USP12: variants seen among roughly 807,000 people sequenced by gnomAD.
The protein encoded by USP12 is ubiquitin carboxyl-terminal hydrolase 12.
USP12 carries 19 observed loss-of-function variants against 45.5 expected under a neutral mutation model. That is an observed-to-expected ratio of 0.42 (90% CI 0.29 to 0.61). The LOEUF is 0.61. USP12 is among the 20% of genes least tolerant of loss of function. USP12 has a pLI of 0.22. For synonymous variants in USP12, 149 were observed against 148.8 expected (o/e 1.00, Z -0.01); for missense variants, 242 against 447.7 (o/e 0.54, Z 4.15).
chr13:27,151,319 A>G (rs1297723853), intron 1 of USP12, among the ~76,000 whole-genome samples: 1 of 152,234 alleles, frequency 6.6e-6, no homozygotes, highest in Non-Finnish European at 1.5e-5. Context: ...TCCCAAAAAA[A>G]AGGAAAAGAG....
intron 2 of USP12, among the ~76,000 whole-genome samples, chr13:27,112,469 A>G (rs950285937): frequency 6.7e-6 from 1 of 149,884 alleles, no homozygotes; most frequent in East Asian, 2.0e-4. Context: ...TTTTTTTTTT[A>G]AGAGACAGGG....
At chr13:27,123,144 T>C (rs1300233238) in intron 1 of USP12, among the ~76,000 whole-genome samples, 1 of 152,122 alleles carries the variant, frequency 6.6e-6, no homozygotes, top group African/African-American at 2.4e-5. Context: ...AATGGATTCA[T>C]TACAGAACTG....
rs184728445 is a variant in USP12, at chr13:27,119,951, A to G, written c.49-3355T>C. Among the ~76,000 whole-genome samples the G allele has an allele frequency of 4.5e-4, 69 of 152,382 alleles. No homozygotes were observed. In the East Asian group the frequency reaches 0.013, roughly 28 times the overall value. ...GCATTCAAGGTTTTCCTTAACAGAA[A>G]TGATCAGGGTACACTCCTCTCTCTA... On this transcript the variant is annotated intron_variant, in intron 1 of 8. Coordinates refer to ENST00000282344, the MANE Select transcript of USP12 (RefSeq NM_182488.4).
intron 1 of USP12, among the ~76,000 whole-genome samples, chr13:27,121,643 C>T (rs983377125): frequency 1.3e-5 from 2 of 151,696 alleles, no homozygotes; most frequent in Admixed American, 6.6e-5. Flanking sequence ...AGGTGGATCA[C>T]GAGGTCAGGA....
chr13:27,169,859 T>TTA (rs145940698), intron 1 of USP12, among the ~76,000 whole-genome samples: 5,954 of 152,276 alleles, frequency 0.039, 155 homozygotes, highest in Admixed American at 0.075. Context: ...CCTCTAGCAC[T>TTA]TAGTGGCTGC....
chr13:27,168,497 G>A (rs1411183873), intron 1 of USP12, among the ~76,000 whole-genome samples: 1 of 152,090 alleles, frequency 6.6e-6, no homozygotes, highest in African/African-American at 2.4e-5. Context: ...CACTTTTCCC[G>A]TTATTTCACA....
chr13:27,124,440 T>C (rs904533728), intron 1 of USP12, among the ~76,000 whole-genome samples: 3 of 152,236 alleles, frequency 2.0e-5, no homozygotes, highest in African/African-American at 4.8e-5. Context: ...TGTGCATCTA[T>C]CATTTGGAAA....
Position 27,067,382 on chromosome 13 carries a change from GTTGA to G in USP12, c.*1897_*1900del, listed in dbSNP as rs1477218466. Reference sequence around the variant, plus strand: ...CCACTGCCCTGACTTTCCCCACACTGTTGATTGTGATTCTCTGTGGCATGTTGGT... The same window carrying G: ...CCACTGCCCTGACTTTCCCCACACTGTTGTGATTCTCTGTGGCATGTTGGT... On this transcript the variant is annotated 3_prime_UTR_variant, in exon 9 of 9. Transcript: ENST00000282344. The G allele has an allele frequency of 1.3e-5, 2 of 152,030 alleles. No homozygotes were observed. The highest frequency in any genetic ancestry group is 2.9e-5 in the Non-Finnish European group (2 of 68,012). The allele number at this position is 152,030 out of a possible 1,614,324, so 9.4% of individuals were successfully genotyped here. A position where few individuals can be genotyped will look rare whatever the true frequency, so the allele number is the denominator to read the frequency against.
intron 6 of USP12, among the ~76,000 whole-genome samples, chr13:27,083,857 A>AATAT (rs112548761): frequency 1.8e-4 from 27 of 147,266 alleles, no homozygotes; most frequent in African/African-American, 5.5e-4. Flanking sequence ...TTTTTGGGAG[A>AATAT]ATATATATAT....
At chr13:27,110,048 C>T (rs1875356627) in intron 2 of USP12, among the ~76,000 whole-genome samples, 1 of 148,642 alleles carries the variant, frequency 6.7e-6, no homozygotes, top group Non-Finnish European at 1.5e-5. Context: ...TAAAACGTTC[C>T]TGCCACTTTG....
At chr13:27,096,214 C>T (rs1874574755) in intron 3 of USP12, among the ~76,000 whole-genome samples, 1 of 152,220 alleles carries the variant, frequency 6.6e-6, no homozygotes, top group Admixed American at 6.5e-5. Context: ...GCCAAGCCAA[C>T]TGCTTTAGAC....
chr13:27,114,769 TA>T (rs11366017), intron 2 of USP12, among the ~76,000 whole-genome samples: 41,273 of 142,652 alleles, frequency 0.29, 5,932 homozygotes, highest in Non-Finnish European at 0.36. Context: ...TCTCCATTTT[TA>T]AAAAAAAAAA....
In USP12 at chr13:27,068,560, T is replaced by A. The variant is rs973306051; in HGVS notation, c.*723A>T. 6.6e-6 allele frequency: 1 copy of A among 152,192 alleles called. No homozygotes were observed. Among genetic ancestry groups the A allele is most frequent in the Non-Finnish European group, 1.5e-5 (1 of 68,034 alleles). 9.4% of individuals were successfully genotyped at this position (152,192 alleles called of 1,614,324 possible). ...AATATGTTCAAATTTACTGACAGAA[T>A]CATGGGCACTTCATATAATACTTAG... On this transcript the variant is annotated 3_prime_UTR_variant, in exon 9 of 9. Coordinates refer to ENST00000282344, the MANE Select transcript of USP12 (RefSeq NM_182488.4).
chr13:27,080,657 T>C (rs772488441), intron 6 of USP12, among the ~76,000 whole-genome samples: 13 of 151,904 alleles, frequency 8.6e-5, no homozygotes, highest in Non-Finnish European at 1.5e-5. Flanking sequence ...TCCCACAGAG[T>C]AGTGACAGAA....
chr13:27,085,256 T>TCTGCCTCC (rs925837128), intron 6 of USP12, among the ~76,000 whole-genome samples: 2 of 151,956 alleles, frequency 1.3e-5, no homozygotes, highest in Non-Finnish European at 2.9e-5. Context: ...CACTGCAACC[T>TCTGCCTCC]CTGCCTCCCT....
intron 4 of USP12, among the ~76,000 whole-genome samples, chr13:27,092,174 G>A (rs1225217760): frequency 3.9e-5 from 6 of 152,166 alleles, no homozygotes; most frequent in Admixed American, 1.3e-4. Flanking sequence ...GCATGGTATT[G>A]ATATGAGGAA....
intron 1 of USP12, among the ~76,000 whole-genome samples, chr13:27,134,630 C>A (rs973894055): frequency 8.6e-5 from 13 of 151,908 alleles, no homozygotes; most frequent in African/African-American, 2.4e-4. Context: ...CCTAAAAAAA[C>A]CTCAAATAAA....
intron 1 of USP12, among the ~76,000 whole-genome samples, chr13:27,169,690 G>A (rs1286002123): frequency 3.3e-5 from 5 of 152,116 alleles, no homozygotes; most frequent in African/African-American, 1.2e-4. Flanking sequence ...CTTACTAAGT[G>A]TGTGACCCTG....
At chr13:27,081,009 ATTTTT>A (rs372527345) in intron 6 of USP12, among the ~76,000 whole-genome samples, 1 of 114,622 alleles carries the variant, frequency 8.7e-6, no homozygotes, top group Non-Finnish European at 1.7e-5. Context: ...GGCTGAGGCA[ATTTTT>A]TTTTTTTTTT....
Sources: gnomAD v4.1 joint callset for allele counts (sites outside exome capture counted in the v4.1 genomes callset) on GRCh38, gnomAD v4.1.1 for gene constraint, MANE v1.5 for transcripts, NCBI Gene and HGNC (gene_info 2026-07-23, HGNC 2026-07-21) for gene names.